The following PLD5 variants were observed in gnomAD, a reference collection of about 807,000 sequenced individuals.
PLD5 encodes the protein phospholipase D family member 5, also known as inactive phospholipase D5.
PLD5 carries 36 observed loss-of-function variants against 61.1 expected under a neutral mutation model. The observed-to-expected ratio is 0.59, with a 90% CI of 0.45 to 0.78. The LOEUF (loss-of-function observed/expected upper bound fraction) is 0.78, where lower values mean the gene tolerates loss of function less well. Among genes scored for constraint, PLD5 ranks in the 30% least tolerant of loss-of-function variants. PLD5 has a pLI of 0.00. For missense variants in PLD5, 515 were observed against 644.4 expected, an observed-to-expected ratio of 0.80 and a Z score of 2.17; for synonymous variants, 243 against 242.8, an observed-to-expected ratio of 1.00 and a Z score of -0.01.
intron 2 of PLD5, among the ~76,000 whole-genome samples, chr1:242,341,911 T>C (rs1405256877): frequency 2.0e-5 from 3 of 149,392 alleles, no homozygotes; most frequent in Non-Finnish European, 4.5e-5. Flanking sequence ...TGAGCCAGCC[T>C]AGACCGGTAG....
intron 1 of PLD5, among the ~76,000 whole-genome samples, chr1:242,414,707 T>G (rs1664730322): frequency 6.6e-6 from 1 of 152,216 alleles, no homozygotes; most frequent in Non-Finnish European, 1.5e-5. Context: ...GTGAATCACT[T>G]TATAACGTGG....
chr1:242,334,036 G>A (rs1349839744), intron 2 of PLD5, among the ~76,000 whole-genome samples: 1 of 152,136 alleles, frequency 6.6e-6, no homozygotes, highest in Non-Finnish European at 1.5e-5. Flanking sequence ...TGCTGAATCA[G>A]ATGGTAGAGA....
intron 1 of PLD5, among the ~76,000 whole-genome samples, chr1:242,441,129 G>A (rs1226310228): frequency 6.6e-6 from 1 of 152,188 alleles, no homozygotes; most frequent in Non-Finnish European, 1.5e-5. Flanking sequence ...TTCACTGTTT[G>A]TTTCAACAAA....
chr1:242,384,874 G>T (rs1194014733), intron 1 of PLD5, among the ~76,000 whole-genome samples: 1 of 152,102 alleles, frequency 6.6e-6, no homozygotes, highest in Non-Finnish European at 1.5e-5. Flanking sequence ...AACAACACAT[G>T]CAAAAAATTG....
At chr1:242,497,620 A>C (rs957624435) in intron 1 of PLD5, among the ~76,000 whole-genome samples, 1 of 152,226 alleles carries the variant, frequency 6.6e-6, no homozygotes, top group African/African-American at 2.4e-5. Context: ...TTTTCTAAGC[A>C]TGAAAAAGAG....
intron 1 of PLD5, among the ~76,000 whole-genome samples, chr1:242,496,742 G>C (rs772654210): frequency 2.6e-5 from 4 of 152,224 alleles, no homozygotes; most frequent in Non-Finnish European, 5.9e-5. Context: ...TTGTGGCATA[G>C]ATTTCTAAGT....
intron 5 of PLD5, among the ~76,000 whole-genome samples, chr1:242,132,335 A>G (rs1574361268): frequency 6.6e-6 from 1 of 151,790 alleles, no homozygotes; most frequent in Non-Finnish European, 1.5e-5. Context: ...TGGAGAGAGG[A>G]GAGACATTAG....
chr1:242,251,149 G>A (rs1269421585), intron 4 of PLD5, among the ~76,000 whole-genome samples: 1 of 152,208 alleles, frequency 6.6e-6, no homozygotes, highest in Non-Finnish European at 1.5e-5. Flanking sequence ...GAAATGTGAA[G>A]TTTGCAGTTG....
intron 8 of PLD5, among the ~76,000 whole-genome samples, chr1:242,101,602 G>C (rs1410627162): frequency 2.6e-5 from 4 of 152,196 alleles, no homozygotes; most frequent in Non-Finnish European, 5.9e-5. Flanking sequence ...AGTATTTTCA[G>C]AACTGCGTGG....
At position 242,208,648 on chromosome 1, in the gene PLD5, C is replaced by T. The variant is rs115149397; in HGVS notation, c.735+11340G>A. Among the ~76,000 whole-genome samples the T allele has an allele frequency of 6.9e-3, 1,052 of 152,200 alleles. 3 individuals carry two copies. The highest frequency in any genetic ancestry group is 0.017 in the Middle Eastern group (5 of 294). ...TGGCTGGTCAGTTTGTTCTCCCTGTCCAAGTTACAGGAGAAGGTCTGGGGA... is the reference window on the plus strand; with the variant it reads ...TGGCTGGTCAGTTTGTTCTCCCTGTTCAAGTTACAGGAGAAGGTCTGGGGA... On this transcript the variant is annotated intron_variant, in intron 5 of 9. Transcript: ENST00000536534.
At chr1:242,223,849 AATAG>A (rs1015412603) in intron 4 of PLD5, among the ~76,000 whole-genome samples, 16 of 109,958 alleles carry the variant, frequency 1.5e-4, no homozygotes, top group African/African-American at 6.2e-4. Context: ...GATATATATA[AATAG>A]AGAGAGAGAG....
chr1:242,089,713 A>T lies in PLD5; in HGVS notation c.*141T>A. The T allele has an allele frequency of 1.9e-6, 2 of 1,041,688 alleles. No individual in the cohort carries two copies. Among genetic ancestry groups the T allele is most frequent in the Non-Finnish European group, 2.8e-6 (2 of 706,890 alleles). 64.5% of individuals were successfully genotyped at this position (1,041,688 alleles called of 1,614,324 possible). Reference sequence around the variant, plus strand: ...GACGCTAAGATATTGTTAGATAGGTATTATGTGTTGTTCAGAGAATATTTT... The same window carrying T: ...GACGCTAAGATATTGTTAGATAGGTTTTATGTGTTGTTCAGAGAATATTTT... On this transcript the variant is annotated 3_prime_UTR_variant, in exon 10 of 10. Coordinates refer to ENST00000536534, the MANE Select transcript of PLD5 (RefSeq NM_001372062.1).
intron 9 of PLD5, among the ~76,000 whole-genome samples, chr1:242,100,407 A>G (rs1488927549): frequency 6.6e-6 from 1 of 152,188 alleles, no homozygotes; most frequent in African/African-American, 2.4e-5. Flanking sequence ...CAATGAGGCA[A>G]ATGGACCAGA....
At chr1:242,490,680 A>T (rs1668119247) in intron 1 of PLD5, among the ~76,000 whole-genome samples, 1 of 152,166 alleles carries the variant, frequency 6.6e-6, no homozygotes, top group South Asian at 2.1e-4. Context: ...TAGAACCCAC[A>T]TCTGCATTAC....
chr1:242,138,530 G>C (rs1268709220), intron 5 of PLD5, among the ~76,000 whole-genome samples: 2 of 152,110 alleles, frequency 1.3e-5, no homozygotes, highest in African/African-American at 2.4e-5. Flanking sequence ...TTTTCAGGTA[G>C]AATACTATCC....
At position 242,410,834 on chromosome 1, in the gene PLD5, C is replaced by T. The variant is rs111701329; in HGVS notation, c.190-62592G>A. ...TCTTTGATGCTCAGATTCTGTGATC[C>T]TGCAGTGTAGGTCTTAGGTGATCAA... On this transcript the variant is annotated intron_variant, in intron 1 of 9. Transcript: ENST00000536534. Among the ~76,000 whole-genome samples, 586 of 152,110 alleles carry T rather than the reference C, an allele frequency of 3.9e-3. 5 individuals are homozygous for T. The highest frequency in any genetic ancestry group is 0.013 in the African/African-American group (557 of 41,492).
At chr1:242,131,060 C>T (rs1396547036) in intron 5 of PLD5, among the ~76,000 whole-genome samples, 1 of 152,092 alleles carries the variant, frequency 6.6e-6, no homozygotes, top group Non-Finnish European at 1.5e-5. Flanking sequence ...AATCCCAGCA[C>T]TTTGGGAGGC....
rs190013689 is a variant in PLD5 at position 242,166,455 on chromosome 1, C to T, written c.736-41790G>A. 3.3e-5 allele frequency among the ~76,000 whole-genome samples: 5 copies of T among 152,046 alleles called. No homozygotes were observed. The East Asian group carries it at 9.7e-4, about 29-fold the overall frequency. On this transcript the variant is annotated intron_variant, in intron 5 of 9. Transcript: ENST00000536534. ...AAAACAACACTTGCCTCTATTTACC[C>T]ATGTTCATGCACATGTGTGCATGTA...
rs1660627554 is a variant in PLD5 at position 242,100,802 on chromosome 1, G to A, written c.1240-20C>T. On this transcript the variant is annotated intron_variant, in intron 8 of 9. Coordinates refer to ENST00000536534, the MANE Select transcript of PLD5 (RefSeq NM_001372062.1). ...AAATTTCTGTAAGAAAAAAAAAAAG[G>A]GGGCAGGTAAATAAGAGGAACGTTT... 3 of 1,483,484 alleles carry A rather than the reference G, an allele frequency of 2.0e-6. No homozygotes were observed. In the African/African-American group the frequency reaches 4.2e-5, roughly 21 times the overall value. The allele number at this position is 1,483,484 out of a possible 1,614,324, so 91.9% of individuals were successfully genotyped here.
Sources: gnomAD v4.1 joint callset for allele counts (sites outside exome capture counted in the v4.1 genomes callset) on GRCh38, gnomAD v4.1.1 for gene constraint, MANE v1.5 for transcripts, NCBI Gene and HGNC (gene_info 2026-07-23, HGNC 2026-07-21) for gene names.